The following STRIP2 variants were observed in gnomAD, a reference collection of about 807,000 sequenced individuals.
STRIP2 encodes the protein striatin interacting protein 2.
Under a neutral mutation model 107.1 loss-of-function variants are expected in STRIP2, and 84 were observed. That is an observed-to-expected ratio of 0.78 (90% CI 0.66 to 0.94). STRIP2 has a LOEUF of 0.94. Among genes scored for constraint, STRIP2 ranks in the 40% least tolerant of loss-of-function variants. The pLI, the probability that STRIP2 is intolerant of heterozygous loss-of-function variation, is 0.00. For missense variants in STRIP2, 888 were observed against 1,034.2 expected (o/e 0.86, Z 1.94); for synonymous variants, 394 against 400.4 (o/e 0.98, Z 0.19).
intron 3 of STRIP2, among the ~76,000 whole-genome samples, chr7:129,444,599 T>C (rs185837473): frequency 6.6e-6 from 1 of 152,344 alleles, no homozygotes; most frequent in Non-Finnish European, 1.5e-5. Flanking sequence ...ATCAATACTT[T>C]GTATCCTTCA....
intron 18 of STRIP2, chr7:129,478,047 G>T: frequency 2.6e-6 from 1 of 386,512 alleles, no homozygotes; most frequent in South Asian, 2.1e-5. Context: ...AAGAATATTG[G>T]AATGGTGGTG....
chr7:129,439,126 C>T (rs1016624467), intron 1 of STRIP2, among the ~76,000 whole-genome samples: 3 of 152,178 alleles, frequency 2.0e-5, no homozygotes, highest in Admixed American at 2.0e-4. Flanking sequence ...ACCCTCTAAT[C>T]ATGTGCTCCG....
intron 18 of STRIP2, among the ~76,000 whole-genome samples, chr7:129,476,519 C>G (rs1226632833): frequency 8.0e-5 from 12 of 150,400 alleles, no homozygotes; most frequent in Admixed American, 4.0e-4. Context: ...CAGGCAGAGA[C>G]GCTCCTCAGC....
intron 18 of STRIP2, chr7:129,478,134 C>T (rs748470381): frequency 6.3e-5 from 16 of 253,288 alleles, no homozygotes; most frequent in Admixed American, 1.1e-4. Context: ...AGAAATTCCA[C>T]GTCCCCTCTC....
intron 17 of STRIP2, among the ~76,000 whole-genome samples, chr7:129,468,585 T>C (rs1290192114): frequency 6.6e-6 from 1 of 152,214 alleles, no homozygotes; most frequent in Non-Finnish European, 1.5e-5. Flanking sequence ...AGGATGGGTT[T>C]TTCCTAACAA....
At chr7:129,470,087 C>G (rs1466077209) in intron 17 of STRIP2, among the ~76,000 whole-genome samples, 1 of 152,228 alleles carries the variant, frequency 6.6e-6, no homozygotes, top group Non-Finnish European at 1.5e-5. Context: ...TGCAGTCCCC[C>G]ACTGTCAGCT....
chr7:129,469,731 T>C (rs964689124), intron 17 of STRIP2, among the ~76,000 whole-genome samples: 1 of 152,256 alleles, frequency 6.6e-6, no homozygotes, highest in African/African-American at 2.4e-5. Context: ...AAATAAATTG[T>C]TGCCTTTTAC....
intron 18 of STRIP2, among the ~76,000 whole-genome samples, chr7:129,478,475 A>G (rs974535245): frequency 6.6e-6 from 1 of 152,136 alleles, no homozygotes; most frequent in African/African-American, 2.4e-5. Context: ...GCACCACTGC[A>G]CTCCAGCCTG....
At chr7:129,475,610 A>G (rs1269911042) in intron 18 of STRIP2, among the ~76,000 whole-genome samples, 1 of 126,894 alleles carries the variant, frequency 7.9e-6, no homozygotes, top group Admixed American at 1.0e-4. Flanking sequence ...TGTTTCTCGC[A>G]TAGGGGGATT....
chr7:129,474,383 G>A (rs1462752594), intron 18 of STRIP2, among the ~76,000 whole-genome samples: 1 of 152,074 alleles, frequency 6.6e-6, no homozygotes, highest in Non-Finnish European at 1.5e-5. Flanking sequence ...GTCCAGACTG[G>A]TCTCAAATTC....
At chr7:129,484,879 C>T (rs1799207764) in intron 20 of STRIP2, among the ~76,000 whole-genome samples, 1 of 152,206 alleles carries the variant, frequency 6.6e-6, no homozygotes, top group African/African-American at 2.4e-5. Context: ...GCATGTAGAA[C>T]ATGAGAGATC....
intron 18 of STRIP2, among the ~76,000 whole-genome samples, chr7:129,476,583 G>A (rs1165597061): frequency 6.6e-6 from 1 of 150,650 alleles, no homozygotes; most frequent in African/African-American, 2.4e-5. Context: ...CAGACGGGGC[G>A]GAGGGGCAGA....
chr7:129,446,287 T>C (rs10954233), intron 3 of STRIP2, among the ~76,000 whole-genome samples: 46,889 of 152,156 alleles, frequency 0.31, 8,516 homozygotes, highest in East Asian at 0.6. Flanking sequence ...AACACTCACA[T>C]GGAGTACAAA....
intron 3 of STRIP2, among the ~76,000 whole-genome samples, chr7:129,450,918 C>CTTTTT (rs758536953): frequency 3.7e-5 from 2 of 54,470 alleles, no homozygotes; most frequent in African/African-American, 7.9e-5. Flanking sequence ...GAGAAAGGTC[C>CTTTTT]TTTTTTTTTT....
rs747027555 is a variant in STRIP2 at position 129,453,224 on chromosome 7, T to C, written c.410-3T>C. On this transcript the variant is annotated splice_region_variant and splice_polypyrimidine_tract_variant and intron_variant, in intron 4 of 20. Coordinates refer to ENST00000249344, the MANE Select transcript of STRIP2 (RefSeq NM_020704.3). ...CCCCTGTAACAACTGTCTGGTCCTT[T>C]AGGTACTTTTGGGGAATGTGATTCA... 35 of 1,614,008 alleles carry C rather than the reference T, an allele frequency of 2.2e-5. No homozygotes were observed. The highest frequency in any genetic ancestry group is 3.0e-5 in the Non-Finnish European group (35 of 1,179,946).
In STRIP2 at chr7:129,486,898, T is replaced by C. The variant is rs1799253708; in HGVS notation, c.*1069T>C. The C allele has an allele frequency of 6.6e-6, 1 of 151,832 alleles. No homozygotes were observed. The highest frequency in any genetic ancestry group is 1.5e-5 in the Non-Finnish European group (1 of 67,996). 9.4% of individuals were successfully genotyped at this position (151,832 alleles called of 1,614,324 possible). A position where few individuals can be genotyped will look rare whatever the true frequency, so the allele number is the denominator to read the frequency against. ...TTCATTGAAAATGTGAGAGTTGATATACCAGCCTCTTTATATTTCTCTTTT... is the reference window on the plus strand; with the variant it reads ...TTCATTGAAAATGTGAGAGTTGATACACCAGCCTCTTTATATTTCTCTTTT... On this transcript the variant is annotated 3_prime_UTR_variant, in exon 21 of 21. Transcript: ENST00000249344.
rs1260243944 is a variant in STRIP2 at position 129,467,347 on chromosome 7, C to T, written c.1777-3C>T. On this transcript the variant is annotated splice_polypyrimidine_tract_variant and splice_region_variant and intron_variant, in intron 16 of 20. Coordinates refer to ENST00000249344, the MANE Select transcript of STRIP2 (RefSeq NM_020704.3). ...GCCCTTTCTGCTTTGATTTTTAATTCAGTTTGAATATGTATCGCAACATTT... is the reference window on the plus strand; with the variant it reads ...GCCCTTTCTGCTTTGATTTTTAATTTAGTTTGAATATGTATCGCAACATTT... 1 of 1,608,890 alleles carries T rather than the reference C, an allele frequency of 6.2e-7. No homozygotes were observed. Among genetic ancestry groups the T allele is most frequent in the Non-Finnish European group, 8.5e-7 (1 of 1,176,066 alleles).
intron 18 of STRIP2, among the ~76,000 whole-genome samples, chr7:129,474,318 A>T (rs574266642): frequency 5.9e-5 from 9 of 151,892 alleles, no homozygotes; most frequent in East Asian, 3.9e-4. Flanking sequence ...TTTTTAAATT[A>T]AAAAAAAATT....
Position 129,451,662 on chromosome 7 carries a change from T to C in STRIP2, c.324T>C (p.Tyr108=), listed in dbSNP as rs1255493046. 1.9e-6 allele frequency: 3 copies of C among 1,614,018 alleles called. No homozygotes were observed. Among genetic ancestry groups the C allele is most frequent in the East Asian group, 4.5e-5 (2 of 44,892 alleles). ...LELEEDAQKA[Y]IMGLLDRLEV... ...TGGAAGAAGATGCCCAAAAGGCCTA[T>C]ATAATGGGACTCTTGGACCGGCTAG... The change falls in exon 4 of 21, where the codon TAT becomes TAC. Residue 108 remains tyrosine, a synonymous_variant. Coordinates refer to ENST00000249344, the MANE Select transcript of STRIP2 (RefSeq NM_020704.3).
Sources: gnomAD v4.1 joint callset for allele counts (sites outside exome capture counted in the v4.1 genomes callset) on GRCh38, gnomAD v4.1.1 for gene constraint, MANE v1.5 for transcripts, NCBI Gene and HGNC (gene_info 2026-07-23, HGNC 2026-07-21) for gene names.